The following SRP72 variants were observed in gnomAD, a reference collection of about 807,000 sequenced individuals.
SRP72 encodes signal recognition particle 72.
SRP72 carries 49 observed loss-of-function variants against 96.3 expected under a neutral mutation model. The observed-to-expected ratio is 0.51, with a 90% confidence interval of 0.40 to 0.65. SRP72 has a LOEUF of 0.65. Ranked by LOEUF, SRP72 falls within the 30% of genes least tolerant of loss-of-function variation. SRP72 has a pLI of 0.00. For synonymous variants in SRP72, 267 were observed against 275.2 expected, an observed-to-expected ratio of 0.97 and a Z score of 0.30; for missense variants, 736 against 793.3, an observed-to-expected ratio of 0.93 and a Z score of 0.87.
At chr4:56,484,072 C>T (rs1054189566) in intron 9 of SRP72, among the ~76,000 whole-genome samples, 13 of 112,430 alleles carry the variant, frequency 1.2e-4, no homozygotes, top group Admixed American at 1.0e-3. Context: ...CTCGCTCTGT[C>T]GCCCAGGCTG....
At chr4:56,496,695 T>C (rs1721081509) in intron 17 of SRP72, among the ~76,000 whole-genome samples, 1 of 152,096 alleles carries the variant, frequency 6.6e-6, no homozygotes, top group African/African-American at 2.4e-5. Context: ...CTGCCCAAAA[T>C]TCATGCTCCC....
chr4:56,471,600 C>A, intron 2 of SRP72, 120 bp from the exon 3 acceptor site: 1 of 1,167,540 alleles, frequency 8.6e-7, no homozygotes, highest in Non-Finnish European at 1.2e-6. Context: ...AGTCTCTAAC[C>A]TTTGTCAGTT....
At chr4:56,488,732 T>G (rs1219536007) in intron 12 of SRP72, among the ~76,000 whole-genome samples, 3 of 152,262 alleles carry the variant, frequency 2.0e-5, no homozygotes, top group Non-Finnish European at 4.4e-5. Flanking sequence ...CTTCATTTTA[T>G]TTCTTTATTG....
Position 56,484,752 on chromosome 4 carries a change from A to C in SRP72, c.974A>C (p.Lys325Thr). 1 of 1,614,114 alleles carries C rather than the reference A, an allele frequency of 6.2e-7. No homozygotes were observed. Among genetic ancestry groups the C allele is most frequent in the Non-Finnish European group, 8.5e-7 (1 of 1,180,018 alleles). ...ATCTTCTAGGCTGAACAATGCCGCA[A>C]AATATCTGCCAGTTTACAGTCCCAA... The part of the protein sequence containing the change: ...MYTNQAEQCR[K>T]ISASLQSQSP... Residue 325 changes from lysine to threonine, a missense_variant, in exon 10 of 19, where the codon AAA (lysine) becomes ACA (threonine). Physicochemically the swap from Lys to Thr is moderately conservative, Grantham distance 78. Transcript: ENST00000642900.
chr4:56,490,865 A>C lies in SRP72; in HGVS notation c.1502+220A>C, dbSNP rs41280349. Among the ~76,000 whole-genome samples the C allele has an allele frequency of 8.0e-3, 1,219 of 152,322 alleles. 14 individuals are homozygous for C. The highest frequency in any genetic ancestry group is 8.5e-3 in the Non-Finnish European group (576 of 68,032). On this transcript the variant is annotated intron_variant, in intron 15 of 18. Transcript: ENST00000642900. ...CAGTTTCATCCAGAAGCAAAAATGA[A>C]GTCAAAAGGGTATGGCCTCTTTTCC...
intron 11 of SRP72, 75 bp from the exon 12 acceptor site, chr4:56,487,874 A>C: frequency 9.0e-7 from 1 of 1,112,224 alleles, no homozygotes; most frequent in South Asian, 1.4e-5. Flanking sequence ...TAGTGGGAGG[A>C]AGTAAAATTT....
rs111395324 is a variant in SRP72, at chr4:56,477,467, T to G, written c.642+765T>G. On this transcript the variant is annotated intron_variant, in intron 6 of 18. Coordinates refer to ENST00000642900, the MANE Select transcript of SRP72 (RefSeq NM_006947.4). The stretch of plus-strand genomic sequence containing the variant: ...CATGCCCAGCTAATTATTTTCTTCT[T>G]TGTAGAGATGGGGGTCTCGCTGTGT... 5.7e-3 allele frequency among the ~76,000 whole-genome samples: 867 copies of G among 151,910 alleles called. 16 individuals carry two copies. Among genetic ancestry groups the G allele is most frequent in the South Asian group, 0.038 (185 of 4,808 alleles).
intron 10 of SRP72, among the ~76,000 whole-genome samples, chr4:56,485,975 A>G (rs934719287): frequency 5.9e-5 from 9 of 152,210 alleles, no homozygotes; most frequent in African/African-American, 2.2e-4. Context: ...AGGAGCATGT[A>G]TGTAGGTTAT....
chr4:56,481,983 C>T (rs1450549479), intron 8 of SRP72, among the ~76,000 whole-genome samples: 9 of 150,798 alleles, frequency 6.0e-5, no homozygotes, highest in Admixed American at 4.0e-4. Context: ...AGGCTGGTCC[C>T]GAACTCCTGG....
chr4:56,494,137 G>T (rs1411598036), intron 16 of SRP72, among the ~76,000 whole-genome samples: 1 of 151,620 alleles, frequency 6.6e-6, no homozygotes, highest in East Asian at 1.9e-4. Flanking sequence ...TATGGCTGTG[G>T]AGTATAATTT....
At position 56,473,351 on chromosome 4, in the gene SRP72, G is replaced by A. The variant is rs564465768; in HGVS notation, c.355-703G>A. Among the ~76,000 whole-genome samples, 348 of 151,956 alleles carry A rather than the reference G, an allele frequency of 2.3e-3. 3 individuals carry two copies. The highest frequency in any genetic ancestry group is 8.2e-3 in the African/African-American group (340 of 41,438). On this transcript the variant is annotated intron_variant, in intron 3 of 18. Transcript: ENST00000642900. Reference sequence around the variant, plus strand: ...GGCGGGCGCCTGGTCCCAGCTACTCGGGAGGCTGAGGCGGGAGAATGGCAT... The same window carrying A: ...GGCGGGCGCCTGGTCCCAGCTACTCAGGAGGCTGAGGCGGGAGAATGGCAT...
chr4:56,502,068 T>C lies in SRP72; in HGVS notation c.*207T>C. 2 of 552,442 alleles carry C rather than the reference T, an allele frequency of 3.6e-6. No homozygotes were observed. Among genetic ancestry groups the C allele is most frequent in the South Asian group, 2.1e-5 (1 of 47,910 alleles). The allele number at this position is 552,442 out of a possible 1,614,324, so 34.2% of individuals were successfully genotyped here. A position where few individuals can be genotyped will look rare whatever the true frequency, so the allele number is the denominator to read the frequency against. ...GGTTGCCTCATAGCTTTGTACAGATTATGAGGACTGAAAATAATTGGGCAT... is the reference window on the plus strand; with the variant it reads ...GGTTGCCTCATAGCTTTGTACAGATCATGAGGACTGAAAATAATTGGGCAT... On this transcript the variant is annotated 3_prime_UTR_variant, in exon 19 of 19. Coordinates refer to ENST00000642900, the MANE Select transcript of SRP72 (RefSeq NM_006947.4).
At chr4:56,487,492 T>C (rs1720754651) in intron 11 of SRP72, among the ~76,000 whole-genome samples, 1 of 152,180 alleles carries the variant, frequency 6.6e-6, no homozygotes, top group Admixed American at 6.5e-5. Context: ...TGTTTGTTTT[T>C]AAAGACTGGG....
chr4:56,499,855 G>A (rs1721198218), intron 17 of SRP72, among the ~76,000 whole-genome samples: 2 of 148,206 alleles, frequency 1.3e-5, no homozygotes, highest in African/African-American at 2.6e-5. Flanking sequence ...CCCAGCAGTC[G>A]CATTACTGGA....
intron 5 of SRP72, among the ~76,000 whole-genome samples, chr4:56,475,404 A>ATATATC (rs1166659661): frequency 8.3e-6 from 1 of 119,856 alleles, no homozygotes; most frequent in Non-Finnish European, 1.6e-5. Flanking sequence ...CAAAAAAAAA[A>ATATATC]TATATATGTG....
intron 15 of SRP72, among the ~76,000 whole-genome samples, chr4:56,491,119 A>C (rs1286140742): frequency 6.6e-6 from 1 of 152,180 alleles, no homozygotes; most frequent in African/African-American, 2.4e-5. Flanking sequence ...CTAAGCAGTC[A>C]CAAGTCATAA....
intron 5 of SRP72, among the ~76,000 whole-genome samples, chr4:56,474,806 T>TCC (rs1720141570): frequency 1.3e-5 from 2 of 152,172 alleles, no homozygotes; most frequent in South Asian, 4.1e-4. Context: ...TGCCTCAGCC[T>TCC]CCCAAGTAGC....
intron 8 of SRP72, among the ~76,000 whole-genome samples, chr4:56,479,519 CTT>C (rs750135655): frequency 6.5e-5 from 9 of 137,980 alleles, no homozygotes; most frequent in Admixed American, 7.4e-5. Flanking sequence ...TTCTTTCTTT[CTT>C]TTTTTTTTTT....
intron 9 of SRP72, among the ~76,000 whole-genome samples, chr4:56,484,028 T>TTTTTTTG (rs1720608705): frequency 9.5e-6 from 1 of 105,390 alleles, no homozygotes; most frequent in East Asian, 3.4e-4. Flanking sequence ...AAGCAGTAAT[T>TTTTTTTG]TTTTTTTTTT....
Sources: gnomAD v4.1 joint callset for allele counts (sites outside exome capture counted in the v4.1 genomes callset) on GRCh38, gnomAD v4.1.1 for gene constraint, MANE v1.5 for transcripts, NCBI Gene and HGNC (gene_info 2026-07-23, HGNC 2026-07-21) for gene names.